SLC25A28: variants seen among roughly 807,000 people sequenced by gnomAD.
The protein encoded by SLC25A28 is solute carrier family 25 member 28, also known as mitoferrin-2.
In SLC25A28, 10 loss-of-function variants were observed where a neutral mutation model predicts 31.9. The observed-to-expected ratio is 0.31, with a 90% CI of 0.19 to 0.53. SLC25A28 has a LOEUF of 0.53. SLC25A28 is among the 20% of genes least tolerant of loss of function. The pLI is 0.95. For synonymous variants in SLC25A28, 208 were observed against 203.6 expected (o/e 1.02, Z -0.19); for missense variants, 256 against 490.3 (o/e 0.52, Z 4.51).
At chr10:99,618,361 C>G in intron 1 of SLC25A28, 1 of 985,362 alleles carries the variant, frequency 1.0e-6, no homozygotes, top group Non-Finnish European at 1.2e-6. Flanking sequence ...ATAATTTTCA[C>G]TGTTTTCATT....
At chr10:99,617,038 G>A (rs2034673891) in intron 1 of SLC25A28, 3 of 985,196 alleles carry the variant, frequency 3.0e-6, no homozygotes, top group Non-Finnish European at 3.6e-6. Flanking sequence ...TCTGGAAATT[G>A]GAGATTTATC....
At chr10:99,651,608 T>TTTTTTTTTTTTCA in the SLC25A28 span, among the ~76,000 whole-genome samples, 1 of 148,522 alleles carries the variant, frequency 6.7e-6, no homozygotes, top group Non-Finnish European at 1.5e-5. Flanking sequence ...TTTTTTTTTT[T>TTTTTTTTTTTTCA]GAGGTAGGGT....
At chr10:99,646,127 AGC>A in the SLC25A28 span, among the ~76,000 whole-genome samples, 2 of 152,058 alleles carry the variant, frequency 1.3e-5, no homozygotes, top group Non-Finnish European at 2.9e-5. Flanking sequence ...AAGTTTCTGC[AGC>A]TATGTTCAGC....
the SLC25A28 span, among the ~76,000 whole-genome samples, chr10:99,658,522 G>A: frequency 2.7e-5 from 4 of 150,080 alleles, no homozygotes; most frequent in Admixed American, 6.6e-5. Context: ...TATAAAAAAG[G>A]TGTAGTAGGT....
Position 99,617,904 on chromosome 10 carries a change from T to C in SLC25A28, c.291+2141A>G, listed in dbSNP as rs932266126. 25 of 531,222 alleles carry C rather than the reference T, an allele frequency of 4.7e-5. No individual in the cohort carries two copies. In the East Asian group the frequency reaches 2.1e-3, roughly 44 times the overall value. 32.9% of individuals were successfully genotyped at this position (531,222 alleles called of 1,614,324 possible). ...AAATAGTTACCTTGGAAGGCTACAA[T>C]TGACTTATTCCAGCAAAGCTGTGGT... On this transcript the variant is annotated intron_variant, in intron 1 of 3. Coordinates refer to ENST00000370495, the MANE Select transcript of SLC25A28 (RefSeq NM_031212.4).
the SLC25A28 span, among the ~76,000 whole-genome samples, chr10:99,636,754 C>T: frequency 1.3e-5 from 2 of 152,092 alleles, no homozygotes; most frequent in East Asian, 3.8e-4. Context: ...ATTAGGTACC[C>T]TGAACAGATC....
chr10:99,622,404 G>C (rs2034812374), upstream of SLC25A28, among the ~76,000 whole-genome samples: 1 of 152,150 alleles, frequency 6.6e-6, no homozygotes, highest in South Asian at 2.1e-4. Context: ...TATTTAGCTT[G>C]AGAAATGAAT....
chr10:99,620,009 C>T (rs1423282872), intron 1 of SLC25A28, 36 bp downstream of exon 1: 14 of 1,546,966 alleles, frequency 9.0e-6, no homozygotes, highest in Non-Finnish European at 1.1e-5. Context: ...GTCGGGTCAG[C>T]CCCAGGTCGG....
intron 1 of SLC25A28, chr10:99,617,543 G>C: frequency 2.0e-6 from 2 of 985,424 alleles, no homozygotes; most frequent in Non-Finnish European, 2.4e-6. Flanking sequence ...AAGGATAGCT[G>C]CTGGGGACAA....
the SLC25A28 span, among the ~76,000 whole-genome samples, chr10:99,629,317 G>A: frequency 2.0e-5 from 3 of 152,196 alleles, no homozygotes; most frequent in African/African-American, 7.2e-5. Flanking sequence ...AAGCTGGGGA[G>A]ATGCTGGTTC....
chr10:99,643,457 T>A, the SLC25A28 span, among the ~76,000 whole-genome samples: 1 of 152,200 alleles, frequency 6.6e-6, no homozygotes, highest in African/African-American at 2.4e-5. Context: ...TCTTCTCTCT[T>A]TTCTTCTTTA....
At chr10:99,641,629 T>G in the SLC25A28 span, among the ~76,000 whole-genome samples, 84 of 152,232 alleles carry the variant, frequency 5.5e-4, no homozygotes, top group Non-Finnish European at 7.6e-4. Flanking sequence ...GTTTTAGTCA[T>G]GAAGTCCTTG....
At chr10:99,624,792 G>A (rs866483632), upstream of SLC25A28, among the ~76,000 whole-genome samples, 23 of 152,224 alleles carry the variant, frequency 1.5e-4, no homozygotes, top group African/African-American at 5.1e-4. Flanking sequence ...CCAAGATTGG[G>A]CCACTGCACT....
At chr10:99,645,306 A>C in the SLC25A28 span, among the ~76,000 whole-genome samples, 1 of 151,980 alleles carries the variant, frequency 6.6e-6, no homozygotes, top group Non-Finnish European at 1.5e-5. Flanking sequence ...CATTCATTGG[A>C]TCTTCAATCA....
chr10:99,658,104 G>T, the SLC25A28 span, among the ~76,000 whole-genome samples: 1 of 152,080 alleles, frequency 6.6e-6, no homozygotes, highest in Non-Finnish European at 1.5e-5. Context: ...TGGGAGGATC[G>T]CTTGCTCAGG....
intron 1 of SLC25A28, chr10:99,616,272 T>C (rs1379484356): frequency 2.2e-6 from 2 of 901,254 alleles, no homozygotes; most frequent in African/African-American, 3.6e-5. Context: ...GCTTTGCTAG[T>C]TGTGTGATCT....
the SLC25A28 span, chr10:99,652,005 C>A: frequency 6.6e-6 from 1 of 152,122 alleles, no homozygotes; most frequent in East Asian, 1.9e-4. Flanking sequence ...TCTCTATTTT[C>A]TTTTATAAGT....
intron 1 of SLC25A28, 59 bp downstream of exon 1, chr10:99,619,986 A>T: frequency 2.7e-6 from 4 of 1,488,880 alleles, no homozygotes; most frequent in Non-Finnish European, 3.6e-6. Context: ...CTGGCTCCGG[A>T]CAAGACCCAG....
At position 99,613,709 on chromosome 10, in the gene SLC25A28, G is replaced by A. The variant is rs774174401; in HGVS notation, c.507C>T (p.Ser169=). The A allele has an allele frequency of 2.5e-6, 4 of 1,614,084 alleles. No individual in the cohort carries two copies. Among genetic ancestry groups the A allele is most frequent in the Non-Finnish European group, 8.5e-7 (1 of 1,180,034 alleles). The change falls in exon 2 of 4, where the codon AGC becomes AGT. Residue 169 remains serine, a synonymous_variant. Transcript: ENST00000370495. This position sits in a 1 kb window ranked among gnomAD's most constrained non-coding sequence, Gnocchi z 4.9. ...AAGGCTCAATACCATTGGCAATATG[G>A]CTATTGCCCCCAGGGTGGATTACAT... ...LSDVIHPGGN[S]HIANGAAGCV...
Sources: allele counts gnomAD v4.1 joint callset (sites outside exome capture counted in the v4.1 genomes callset), GRCh38; gene constraint gnomAD v4.1.1; non-coding constraint Gnocchi (gnomAD v3.1); transcripts MANE v1.5; gene names NCBI Gene and HGNC (gene_info 2026-07-23, HGNC 2026-07-21).